Variants in CELF2 observed in about 807,000 individuals in gnomAD.
The protein encoded by CELF2 is CUG triplet repeat RNA-binding protein 2.
CELF2 carries 8 observed loss-of-function variants against 62.6 expected under a neutral mutation model. The ratio of observed to expected loss-of-function variants is 0.13; its 90% CI spans 0.07 to 0.23. The LOEUF is 0.23. CELF2 is among the 10% of genes least tolerant of loss of function. The pLI, the probability that CELF2 is intolerant of heterozygous loss-of-function variation, is 1.00. For synonymous variants in CELF2, 258 were observed against 250.0 expected (o/e 1.03, Z -0.30); for missense variants, 333 against 671.0 (o/e 0.50, Z 5.56).
chr10:10,530,586 A>G, the CELF2 span, among the ~76,000 whole-genome samples: 8 of 152,172 alleles, frequency 5.3e-5, no homozygotes. Context: ...TGCCTCTGAC[A>G]CAAATATACA....
At chr10:10,870,469 G>A (rs779471316) in intron 1 of CELF2, among the ~76,000 whole-genome samples, 1 of 152,034 alleles carries the variant, frequency 6.6e-6, no homozygotes, top group Non-Finnish European at 1.5e-5. Flanking sequence ...TGGAAACGCC[G>A]GTGTGGCTCT....
At chr10:10,778,107 G>A in the CELF2 span, among the ~76,000 whole-genome samples, 9 of 152,250 alleles carry the variant, frequency 5.9e-5, no homozygotes, top group African/African-American at 9.6e-5. Flanking sequence ...GTCCAGTGTC[G>A]TGACAACAAA....
At chr10:11,025,065 C>A (rs1444448308) in intron 1 of CELF2, among the ~76,000 whole-genome samples, 9 of 152,146 alleles carry the variant, frequency 5.9e-5, no homozygotes, top group Non-Finnish European at 1.0e-4. Flanking sequence ...GTCTTCCTTT[C>A]TCCTAGTAGC....
At chr10:11,125,599 G>A (rs2058551674) in intron 1 of CELF2, among the ~76,000 whole-genome samples, 1 of 152,124 alleles carries the variant, frequency 6.6e-6, no homozygotes, top group African/African-American at 2.4e-5. Flanking sequence ...GTTATAACAT[G>A]CTGTCTTCAT....
chr10:10,505,130 T>C, the CELF2 span, among the ~76,000 whole-genome samples: 2 of 152,184 alleles, frequency 1.3e-5, no homozygotes, highest in Non-Finnish European at 2.9e-5. Flanking sequence ...ATTTTTGTCT[T>C]AATATGAGAC....
chr10:11,257,335 A>C (rs975126219), intron 4 of CELF2, among the ~76,000 whole-genome samples: 1 of 78,522 alleles, frequency 1.3e-5, no homozygotes, highest in South Asian at 4.6e-4. Context: ...AAGACCATCT[A>C]CAAAAAAAAA....
the CELF2 span, among the ~76,000 whole-genome samples, chr10:10,506,133 G>T: frequency 6.8e-6 from 1 of 146,304 alleles, no homozygotes; most frequent in Non-Finnish European, 1.5e-5. Flanking sequence ...TCTTGCAACA[G>T]CAAAATGAAG....
the CELF2 span, among the ~76,000 whole-genome samples, chr10:10,749,661 G>C: frequency 6.6e-6 from 1 of 152,256 alleles, no homozygotes; most frequent in East Asian, 1.9e-4. Context: ...TGAAAAGAAG[G>C]CTGCTCGGAT....
rs566666592 is a variant in CELF2 at position 11,039,069 on chromosome 10, G to A, written c.74+20906G>A. ...CAGTATCCTGGACAAGTGTGCACAC[G>A]CGCTTGCATCCACACCACTCTCATG... is the stretch of plus-strand genomic sequence containing the variant. On this transcript the variant is annotated intron_variant, in intron 1 of 12. Transcript: ENST00000633077. The surrounding 1 kb of genome is among the most constrained non-coding windows in gnomAD (Gnocchi z 4.1). 5.9e-5 allele frequency among the ~76,000 whole-genome samples: 9 copies of A among 152,270 alleles called. No homozygotes were observed. The highest frequency in any genetic ancestry group is 4.1e-4 in the South Asian group (2 of 4,824).
At chr10:11,248,444 C>T (rs2076249895) in intron 3 of CELF2, among the ~76,000 whole-genome samples, 1 of 151,098 alleles carries the variant, frequency 6.6e-6, no homozygotes. Context: ...CTCCATCCTT[C>T]CTTCCATCCT....
intron 2 of CELF2, among the ~76,000 whole-genome samples, chr10:10,963,305 T>G (rs1310307410): frequency 6.6e-6 from 1 of 152,214 alleles, no homozygotes; most frequent in African/African-American, 2.4e-5. Context: ...TCCACCCACG[T>G]TGGCCTCCCA....
the CELF2 span, among the ~76,000 whole-genome samples, chr10:10,651,381 G>C: frequency 2.7e-5 from 4 of 147,758 alleles, no homozygotes; most frequent in East Asian, 1.9e-4. Flanking sequence ...AGCTCAAGGA[G>C]GCCTGCCTGC....
At chr10:10,757,581 A>G in the CELF2 span, among the ~76,000 whole-genome samples, 15 of 152,356 alleles carry the variant, frequency 9.8e-5, no homozygotes, top group African/African-American at 3.6e-4. Flanking sequence ...TCACTAAAAG[A>G]GAAACTATTA....
intron 1 of CELF2, among the ~76,000 whole-genome samples, chr10:11,146,465 G>A (rs534428022): frequency 6.6e-6 from 1 of 152,160 alleles, no homozygotes; most frequent in African/African-American, 2.4e-5. Flanking sequence ...AAATATCTTT[G>A]TTATCATCTA....
At chr10:10,864,266 T>C (rs2060220758) in intron 1 of CELF2, among the ~76,000 whole-genome samples, 1 of 152,060 alleles carries the variant, frequency 6.6e-6, no homozygotes, top group African/African-American at 2.4e-5. Context: ...TCTTCACCTA[T>C]TAAATCTCAG....
chr10:10,504,400 C>T, the CELF2 span, among the ~76,000 whole-genome samples: 2 of 152,062 alleles, frequency 1.3e-5, no homozygotes, highest in Non-Finnish European at 2.9e-5. Flanking sequence ...TTCCTTCTGG[C>T]TTCTGTAGTT....
intron 1 of CELF2, among the ~76,000 whole-genome samples, chr10:10,835,323 T>C (rs2058191997): frequency 6.6e-6 from 1 of 152,054 alleles, no homozygotes; most frequent in Non-Finnish European, 1.5e-5. Flanking sequence ...ACTCCTGATG[T>C]CAAGTAGCCC....
In CELF2 at chr10:11,237,129, G is replaced by T. The variant is rs1016382196; in HGVS notation, c.355-12024G>T. On this transcript the variant is annotated intron_variant, in intron 3 of 12. Transcript: ENST00000633077. This position sits in a 1 kb window ranked among gnomAD's most constrained non-coding sequence, Gnocchi z 4.0. ...TGAGGAGGCTGTTTCGGGGATCCAG[G>T]TGAGCAGGAATGAAAACCTCACTAG... 1.3e-5 allele frequency among the ~76,000 whole-genome samples: 2 copies of T among 152,166 alleles called. No homozygotes were observed. Among genetic ancestry groups the T allele is most frequent in the Admixed American group, 1.3e-4 (2 of 15,280 alleles).
At chr10:10,818,614 C>T (rs576156233) in intron 1 of CELF2, among the ~76,000 whole-genome samples, 7 of 146,992 alleles carry the variant, frequency 4.8e-5, no homozygotes, top group South Asian at 4.3e-4. Context: ...AGTGCAGTGG[C>T]GCGATCTCAA....
Sources: gnomAD v4.1 joint callset for allele counts (sites outside exome capture counted in the v4.1 genomes callset) on GRCh38, gnomAD v4.1.1 for gene constraint, Gnocchi (gnomAD v3.1) non-coding constraint, MANE v1.5 for transcripts, NCBI Gene and HGNC (gene_info 2026-07-23, HGNC 2026-07-21) for gene names.